PANX3: variants seen among roughly 807,000 people sequenced by gnomAD.
The protein encoded by PANX3 is pannexin 3.
Under a neutral mutation model 31.5 loss-of-function variants are expected in PANX3, and 18 were observed. That is an observed-to-expected ratio of 0.57 (90% CI 0.39 to 0.85). The LOEUF (loss-of-function observed/expected upper bound fraction) is 0.85. Among genes scored for constraint, PANX3 ranks in the 40% least tolerant of loss-of-function variants. PANX3 has a pLI of 0.00. For synonymous variants in PANX3, 194 were observed against 201.6 expected (o/e 0.96, Z 0.32); for missense variants, 426 against 485.4 (o/e 0.88, Z 1.15).
chr11:124,617,378 C>T lies in PANX3; in HGVS notation c.429C>T (p.Ile143=). ...CCCTCAGCTCCGATCTGCTGTTCAT[C>T]ATCAGCGAACTGGACAAATCTTATA... ...VPALSSDLLF[I]ISELDKSYNR... The change falls in exon 3 of 4, where the codon ATC becomes ATT. Residue 143 remains isoleucine, a synonymous_variant. Coordinates refer to ENST00000284288, the MANE Select transcript of PANX3 (RefSeq NM_052959.3). 6.2e-7 allele frequency: 1 copy of T among 1,613,964 alleles called. No homozygotes were observed. The highest frequency in any genetic ancestry group is 8.5e-7 in the Non-Finnish European group (1 of 1,180,042).
At position 124,617,241 on chromosome 11, in the gene PANX3, C is replaced by T. The variant is rs766797684; in HGVS notation, c.325-33C>T. Reference sequence around the variant, plus strand: ...CTGTCACTCGGGGTCTCAGCAGCCCCGGCCTCCCTCCTCAGCTGCTCTCGC... The same window carrying T: ...CTGTCACTCGGGGTCTCAGCAGCCCTGGCCTCCCTCCTCAGCTGCTCTCGC... On this transcript the variant is annotated intron_variant, in intron 2 of 3. Transcript: ENST00000284288. 1.1e-5 allele frequency: 17 copies of T among 1,547,522 alleles called. No individual in the cohort carries two copies. The East Asian group carries it at 2.3e-4, about 21-fold the overall frequency.
At position 124,613,088 on chromosome 11, in the gene PANX3, GC is replaced by G; in HGVS notation, c.292del (p.Gln98ArgfsTer4). 1.9e-6 allele frequency: 3 copies of G among 1,613,968 alleles called. No homozygotes were observed. The highest frequency in any genetic ancestry group is 2.5e-6 in the Non-Finnish European group (3 of 1,180,014). ...SLLHHKQDGPGQDKMKSLWPH... is the reference protein window; with the variant it reads ...SLLHHKQDGPXQDKMKSLWPH... ...CTTCACCATAAGCAGGACGGGCCTG[GC>G]CAGGACAAAATGAAATCTCTCTGGC... On this transcript the variant is annotated frameshift_variant, in exon 2 of 4. Transcript: ENST00000284288. LOFTEE classifies it high-confidence loss of function.
chr11:124,617,522 T>G, intron 3 of PANX3, 34 bp downstream of exon 3: 1 of 1,596,026 alleles, frequency 6.3e-7, no homozygotes, highest in Non-Finnish European at 8.6e-7. Flanking sequence ...TCTGAGAAAT[T>G]CAGTCAAGCA....
At chr11:124,612,882 G>T in intron 1 of PANX3, 98 bp from the exon 2 acceptor site, 2 of 1,464,022 alleles carry the variant, frequency 1.4e-6, no homozygotes, top group Non-Finnish European at 1.9e-6. Context: ...GACAGTCCCT[G>T]CCAGAAACAG....
At chr11:124,613,307 A>G (rs1863116797) in intron 2 of PANX3, among the ~76,000 whole-genome samples, 185 bp downstream of exon 2, 4 of 152,156 alleles carry the variant, frequency 2.6e-5, no homozygotes, top group Admixed American at 2.0e-4. Flanking sequence ...TCTAATTGGA[A>G]GCTTTGTGCC....
chr11:124,617,491 G>C lies in PANX3; in HGVS notation c.539+3G>C. ...GTGTTCTGGAATGAGCTGGAGAAGT[G>C]AGTTGTCTCTTCCACCTTTTTCTGA... On this transcript the variant is annotated splice_donor_region_variant and intron_variant, in intron 3 of 3. Coordinates refer to ENST00000284288, the MANE Select transcript of PANX3 (RefSeq NM_052959.3). The C allele has an allele frequency of 6.2e-7, 1 of 1,613,828 alleles. No homozygotes were observed. The highest frequency in any genetic ancestry group is 8.5e-7 in the Non-Finnish European group (1 of 1,179,722).
At position 124,619,286 on chromosome 11, in the gene PANX3, C is replaced by A; in HGVS notation, c.540-10C>A. The A allele has an allele frequency of 6.2e-7, 1 of 1,606,164 alleles. No individual in the cohort carries two copies. Among genetic ancestry groups the A allele is most frequent in the Non-Finnish European group, 8.5e-7 (1 of 1,176,500 alleles). On this transcript the variant is annotated splice_polypyrimidine_tract_variant and intron_variant, in intron 3 of 3. Coordinates refer to ENST00000284288, the MANE Select transcript of PANX3 (RefSeq NM_052959.3). ...ACTACTAACCTTGCCTCCTTCCTTCCACTGCCCAGGGCTCGGAAAGAACGA... is the reference window on the plus strand; with the variant it reads ...ACTACTAACCTTGCCTCCTTCCTTCAACTGCCCAGGGCTCGGAAAGAACGA...
chr11:124,614,186 A>G (rs970071074), intron 2 of PANX3, among the ~76,000 whole-genome samples: 49 of 150,524 alleles, frequency 3.3e-4, no homozygotes, highest in East Asian at 9.7e-4. Context: ...AAAAAAAAAA[A>G]AAAAAGAAAA....
intron 1 of PANX3, among the ~76,000 whole-genome samples, chr11:124,612,143 C>G (rs2134309106): frequency 6.6e-6 from 1 of 152,236 alleles, no homozygotes; most frequent in Non-Finnish European, 1.5e-5. Context: ...TCTGGGCCCT[C>G]TTCCCACCCC....
In PANX3 at chr11:124,611,600, C is replaced by T; in HGVS notation, c.44C>T (p.Ala15Val). ...GCTGCAGAGTACATGCTCTCAGATG[C>T]CCTGCTGCCTGACCGCAGGGGACCC... ...HTAAEYMLSD[A>V]LLPDRRGPRL... The change falls in exon 1 of 4, where the codon GCC becomes GTC. Residue 15 changes from alanine to valine, a missense_variant. Transcript: ENST00000284288. The T allele has an allele frequency of 6.2e-7, 1 of 1,614,104 alleles. No homozygotes were observed. Among genetic ancestry groups the T allele is most frequent in the Non-Finnish European group, 8.5e-7 (1 of 1,179,962 alleles).
Position 124,620,037 on chromosome 11 carries a change from A to G in PANX3, c.*102A>G. ...CACACCAAAAAATTACACATTTTAA[A>G]ACTGCTAAGCTTGGATTTAACTGAA... is the stretch of plus-strand genomic sequence containing the variant. On this transcript the variant is annotated 3_prime_UTR_variant, in exon 4 of 4. Coordinates refer to ENST00000284288, the MANE Select transcript of PANX3 (RefSeq NM_052959.3). The G allele has an allele frequency of 7.9e-7, 1 of 1,272,930 alleles. No homozygotes were observed. The allele number at this position is 1,272,930 out of a possible 1,614,324, so 78.9% of individuals were successfully genotyped here.
Position 124,619,977 on chromosome 11 carries a change from T to A in PANX3, c.*42T>A. On this transcript the variant is annotated 3_prime_UTR_variant, in exon 4 of 4. Transcript: ENST00000284288. ...CAAGAAAGCTTGTGGAAAGTCTCTC[T>A]CCTTCCTCATAAGACATGCACACTA... 1 of 1,546,742 alleles carries A rather than the reference T, an allele frequency of 6.5e-7. No individual in the cohort carries two copies. The highest frequency in any genetic ancestry group is 1.3e-5 in the South Asian group (1 of 78,720).
intron 1 of PANX3, among the ~76,000 whole-genome samples, chr11:124,612,484 C>T (rs966634512): frequency 4.6e-5 from 7 of 152,224 alleles, no homozygotes; most frequent in Non-Finnish European, 8.8e-5. Flanking sequence ...GAAGAAATGG[C>T]TCCCACTTCT....
intron 2 of PANX3, among the ~76,000 whole-genome samples, chr11:124,613,337 C>A (rs1004482847): frequency 6.6e-6 from 1 of 152,208 alleles, no homozygotes; most frequent in Non-Finnish European, 1.5e-5. Flanking sequence ...GGCACATAAA[C>A]AGGCAGACTT....
At chr11:124,614,180 A>G (rs1863126209) in intron 2 of PANX3, among the ~76,000 whole-genome samples, 1 of 151,776 alleles carries the variant, frequency 6.6e-6, no homozygotes, top group South Asian at 2.1e-4. Context: ...AAAAAAAAAA[A>G]AAAAAAAAAA....
Position 124,617,268 on chromosome 11 carries a change from C to T in PANX3, c.325-6C>T, listed in dbSNP as rs1176186927. ...GCCTCCCTCCTCAGCTGCTCTCGCC[C>T]TGCAGGCCCTCCCCTACTCCCTGCT... On this transcript the variant is annotated splice_region_variant and splice_polypyrimidine_tract_variant and intron_variant, in intron 2 of 3. Coordinates refer to ENST00000284288, the MANE Select transcript of PANX3 (RefSeq NM_052959.3). 1 of 1,601,836 alleles carries T rather than the reference C, an allele frequency of 6.2e-7. No homozygotes were observed. Among genetic ancestry groups the T allele is most frequent in the African/African-American group, 1.3e-5 (1 of 74,984 alleles).
intron 2 of PANX3, among the ~76,000 whole-genome samples, chr11:124,614,670 CTTTTTTTTTT>C (rs138365917): frequency 1.0e-5 from 1 of 95,328 alleles, no homozygotes; most frequent in East Asian, 3.0e-4. Context: ...AACGCCCTTT[CTTTTTTTTTT>C]TTTTTTTTTT....
intron 2 of PANX3, among the ~76,000 whole-genome samples, chr11:124,614,167 T>TAAAA (rs71042444): frequency 5.0e-4 from 37 of 73,434 alleles, no homozygotes; most frequent in Non-Finnish European, 8.0e-4. Flanking sequence ...ATCTAAATGG[T>TAAAA]AAAAAAAAAA....
At chr11:124,614,702 G>A (rs1211232889) in intron 2 of PANX3, among the ~76,000 whole-genome samples, 2 of 120,880 alleles carry the variant, frequency 1.7e-5, no homozygotes, top group African/African-American at 6.7e-5. Flanking sequence ...TTGAGACAGA[G>A]TCTGGCTCTT....
Sources: gnomAD v4.1 joint callset for allele counts (sites outside exome capture counted in the v4.1 genomes callset) on GRCh38, gnomAD v4.1.1 for gene constraint, MANE v1.5 for transcripts, NCBI Gene and HGNC (gene_info 2026-07-23, HGNC 2026-07-21) for gene names.